Variants in PRKN observed in about 807,000 individuals in gnomAD.
The protein encoded by PRKN is parkin RBR E3 ubiquitin protein ligase, also known as E3 ubiquitin-protein ligase parkin.
A neutral mutation model predicts 59.5 loss-of-function variants in PRKN; 56 were observed. The observed-to-expected ratio is 0.94, with a 90% CI of 0.76 to 1.18. The LOEUF (loss-of-function observed/expected upper bound fraction) is 1.18. Ranked by LOEUF, PRKN falls within the 50% of genes most tolerant of loss-of-function variation. PRKN has a pLI of 0.00. For missense variants in PRKN, 657 were observed against 596.4 expected (o/e 1.10, Z -1.06); for synonymous variants, 250 against 222.1 (o/e 1.13, Z -1.12).
rs189345000 is a variant in PRKN, at chr6:162,452,416, C to G, written c.8-8943G>C. Among the ~76,000 whole-genome samples, 722 of 132,998 alleles carry G rather than the reference C, an allele frequency of 5.4e-3. 6 individuals carry two copies. The highest frequency in any genetic ancestry group is 0.019 in the African/African-American group (690 of 36,498). The allele number at this position is 132,998 out of a possible 152,430, so 87.3% of individuals were successfully genotyped here. On this transcript the variant is annotated intron_variant, in intron 1 of 11. Transcript: ENST00000366898. ...CAGATGACTGGGTAAAGCAGAAATT[C>G]TATTCCATGGGGAGTTTAGAACATA...
At chr6:161,654,536 C>T (rs1784269105) in intron 7 of PRKN, among the ~76,000 whole-genome samples, 1 of 152,168 alleles carries the variant, frequency 6.6e-6, no homozygotes, top group South Asian at 2.1e-4. Context: ...CTTTCTTGGT[C>T]TCCTTTCTGG....
At chr6:161,978,948 T>TA (rs1781156507) in intron 5 of PRKN, among the ~76,000 whole-genome samples, 1 of 152,182 alleles carries the variant, frequency 6.6e-6, no homozygotes, top group Non-Finnish European at 1.5e-5. Flanking sequence ...CAGAATCCTT[T>TA]ACGGCGGGTA....
chr6:161,656,404 C>A (rs1178483074), intron 7 of PRKN, among the ~76,000 whole-genome samples: 1 of 152,128 alleles, frequency 6.6e-6, no homozygotes, highest in African/African-American at 2.4e-5. Context: ...CCACCCGCCT[C>A]CAGAACACAG....
In PRKN at chr6:161,407,890, T is replaced by G. The variant is rs1040920253; in HGVS notation, c.1084-21013A>C. ...CACCATGCACCTTGTAATCCCCTCC[T>G]CTGCTAACAATAGATAACCTCCTTT... is the stretch of plus-strand genomic sequence containing the variant. On this transcript the variant is annotated intron_variant, in intron 9 of 11. Coordinates refer to ENST00000366898, the MANE Select transcript of PRKN (RefSeq NM_004562.3). The surrounding 1 kb of genome is among the most constrained non-coding windows in gnomAD (Gnocchi z 4.9). 6.6e-6 allele frequency among the ~76,000 whole-genome samples: 1 copy of G among 152,136 alleles called. No homozygotes were observed. The highest frequency in any genetic ancestry group is 2.1e-4 in the South Asian group (1 of 4,822).
intron 2 of PRKN, among the ~76,000 whole-genome samples, 159 bp from the exon 3 acceptor site, chr6:162,262,924 A>G (rs1300261009): frequency 3.9e-5 from 6 of 152,158 alleles, no homozygotes; most frequent in Non-Finnish European, 5.9e-5. Context: ...GTTACACACT[A>G]CACACGGTAG....
At chr6:162,039,816 G>GACAT (rs1439267689) in intron 5 of PRKN, among the ~76,000 whole-genome samples, 1 of 152,168 alleles carries the variant, frequency 6.6e-6, no homozygotes, top group East Asian at 1.9e-4. Context: ...CAGACAGACA[G>GACAT]ATGTATATAT....
chr6:162,552,898 C>A (rs1779386610), intron 1 of PRKN, among the ~76,000 whole-genome samples: 1 of 152,118 alleles, frequency 6.6e-6, no homozygotes, highest in South Asian at 2.1e-4. Flanking sequence ...AAAACCAGGT[C>A]TCAGAAGCCA....
intron 7 of PRKN, among the ~76,000 whole-genome samples, chr6:161,653,368 A>AAACAAC (rs112738155): frequency 0.073 from 11,045 of 152,068 alleles, 1,393 homozygotes; most frequent in African/African-American, 0.25. Context: ...ATCTTCTCAA[A>AAACAAC]AACAACAACA....
At chr6:161,799,150 TAA>T (rs1790976415) in intron 6 of PRKN, among the ~76,000 whole-genome samples, 1 of 152,216 alleles carries the variant, frequency 6.6e-6, no homozygotes, top group African/African-American at 2.4e-5. Flanking sequence ...CCACCAAGCC[TAA>T]GTTACTTCCT....
intron 6 of PRKN, among the ~76,000 whole-genome samples, chr6:161,924,830 A>G (rs1778907395): frequency 6.6e-6 from 1 of 152,266 alleles, no homozygotes; most frequent in Non-Finnish European, 1.5e-5. Context: ...TTTCAAACAC[A>G]GTTAACAGGC....
intron 1 of PRKN, among the ~76,000 whole-genome samples, chr6:162,600,812 C>T (rs542613641): frequency 1.3e-5 from 2 of 152,162 alleles, no homozygotes; most frequent in Non-Finnish European, 2.9e-5. Context: ...GCTTCCCCTT[C>T]GCCTTCCACC....
At chr6:162,646,981 G>A (rs1778209354) in intron 1 of PRKN, among the ~76,000 whole-genome samples, 1 of 151,990 alleles carries the variant, frequency 6.6e-6, no homozygotes, top group Admixed American at 6.6e-5. Flanking sequence ...AAACAAAAAT[G>A]GCTCATAAGT....
chr6:162,543,331 C>T (rs1296020086), intron 1 of PRKN, among the ~76,000 whole-genome samples: 3 of 152,004 alleles, frequency 2.0e-5, no homozygotes, highest in Non-Finnish European at 2.9e-5. Flanking sequence ...GCGCCTTGGC[C>T]CAGAGCAGTC....
intron 6 of PRKN, among the ~76,000 whole-genome samples, chr6:161,801,412 C>G (rs554183756): frequency 6.6e-6 from 1 of 152,316 alleles, no homozygotes; most frequent in African/African-American, 2.4e-5. Context: ...GGCCTGGGGA[C>G]CCATCCATGG....
At chr6:162,269,093 G>A (rs1402888765) in intron 2 of PRKN, among the ~76,000 whole-genome samples, 2 of 152,172 alleles carry the variant, frequency 1.3e-5, no homozygotes, top group Admixed American at 6.5e-5. Flanking sequence ...GTATAGGTGA[G>A]CTGGTAACAC....
chr6:162,048,658 GGAA>G (rs1372586079), intron 5 of PRKN, among the ~76,000 whole-genome samples: 1 of 150,530 alleles, frequency 6.6e-6, no homozygotes. Flanking sequence ...GGGCCACATA[GGAA>G]GAAGAATAAT....
At chr6:162,121,483 C>T (rs1780913832) in intron 4 of PRKN, among the ~76,000 whole-genome samples, 2 of 152,200 alleles carry the variant, frequency 1.3e-5, no homozygotes, top group Admixed American at 1.3e-4. Flanking sequence ...GTACTGCTTT[C>T]ACCCATTTAT....
At chr6:162,124,104 T>G (rs1781027210) in intron 4 of PRKN, among the ~76,000 whole-genome samples, 1 of 152,124 alleles carries the variant, frequency 6.6e-6, no homozygotes, top group Admixed American at 6.6e-5. Flanking sequence ...TAGTTAGTTT[T>G]AAGCAAGGAG....
chr6:162,385,935 G>A (rs1786779420), intron 2 of PRKN, among the ~76,000 whole-genome samples: 1 of 151,852 alleles, frequency 6.6e-6, no homozygotes, highest in South Asian at 2.1e-4. Context: ...GTCAAAATAA[G>A]TAAAATAGGT....
Sources: gnomAD v4.1 joint callset for allele counts (sites outside exome capture counted in the v4.1 genomes callset) on GRCh38, gnomAD v4.1.1 for gene constraint, Gnocchi (gnomAD v3.1) non-coding constraint, MANE v1.5 for transcripts, NCBI Gene and HGNC (gene_info 2026-07-23, HGNC 2026-07-21) for gene names.